The following SRRM4 variants were observed in gnomAD, a reference collection of about 807,000 sequenced individuals.
SRRM4 encodes serine/arginine repetitive matrix 4.
A neutral mutation model predicts 68.9 loss-of-function variants in SRRM4; 33 were observed. The ratio of observed to expected loss-of-function variants is 0.48; its 90% confidence interval spans 0.36 to 0.64. The LOEUF is 0.64. SRRM4 is among the 30% of genes least tolerant of loss of function. The pLI is 0.00. For missense variants in SRRM4, 817 were observed against 827.1 expected (o/e 0.99, Z 0.15); for synonymous variants, 318 against 318.8 (o/e 1.00, Z 0.03).
At chr12:119,070,818 C>A (rs1953873566) in intron 1 of SRRM4, among the ~76,000 whole-genome samples, 1 of 152,194 alleles carries the variant, frequency 6.6e-6, no homozygotes, top group Non-Finnish European at 1.5e-5. Context: ...TTCCCTGACA[C>A]CTGGAATGAA....
intron 1 of SRRM4, among the ~76,000 whole-genome samples, chr12:119,085,296 C>A (rs1192297097): frequency 6.6e-6 from 1 of 152,230 alleles, no homozygotes; most frequent in Non-Finnish European, 1.5e-5. Context: ...CTTGCAATAA[C>A]CCTGTGAGGT....
intron 1 of SRRM4, among the ~76,000 whole-genome samples, chr12:119,084,592 C>G (rs1430867584): frequency 6.6e-6 from 1 of 152,180 alleles, no homozygotes; most frequent in Admixed American, 6.5e-5. Flanking sequence ...TGGGCTATTT[C>G]TCTAGTTGGT....
At chr12:119,090,970 A>G (rs1222082440) in intron 1 of SRRM4, among the ~76,000 whole-genome samples, 2 of 152,162 alleles carry the variant, frequency 1.3e-5, no homozygotes, top group African/African-American at 4.8e-5. Flanking sequence ...TTGCTGTGTT[A>G]TTTTAAAACT....
chr12:119,048,420 C>G (rs1953721084), intron 1 of SRRM4, among the ~76,000 whole-genome samples: 1 of 152,174 alleles, frequency 6.6e-6, no homozygotes, highest in Non-Finnish European at 1.5e-5. Flanking sequence ...AGATAACACA[C>G]TAAGAATAAA....
At chr12:118,988,456 T>A (rs1401726092) in intron 1 of SRRM4, among the ~76,000 whole-genome samples, 2 of 152,218 alleles carry the variant, frequency 1.3e-5, no homozygotes, top group Non-Finnish European at 2.9e-5. Flanking sequence ...GGATGCAGTC[T>A]CTGGCGTGGG....
chr12:119,156,706 C>T lies in SRRM4; in HGVS notation c.1744C>T (p.Arg582Trp), dbSNP rs1166411434. ...CAGCCCTAGTCCGGGCTCCCGCAGC[C>T]GGAGCCGGAGCAGGAGCCGGAGCCG... ...SRSPSPGSRS[R>W]SRSRSRSRSR... is the part of the protein sequence containing the mutation. Residue 582 changes from arginine to tryptophan, a missense_variant, in exon 13 of 13, where the codon CGG (arginine) becomes TGG (tryptophan). Transcript: ENST00000267260. 5.2e-6 allele frequency: 8 copies of T among 1,547,684 alleles called. No homozygotes were observed. In the East Asian group the frequency reaches 1.5e-4, roughly 28 times the overall value.
chr12:118,986,689 T>A (rs933641605), intron 1 of SRRM4, among the ~76,000 whole-genome samples: 1 of 152,128 alleles, frequency 6.6e-6, no homozygotes, highest in African/African-American at 2.4e-5. Context: ...AGTAGACATG[T>A]TAGCCAGTAT....
chr12:119,117,945 T>C (rs763272415), intron 4 of SRRM4, among the ~76,000 whole-genome samples: 3 of 151,404 alleles, frequency 2.0e-5, no homozygotes, highest in African/African-American at 7.3e-5. Context: ...ACAAAGGATA[T>C]ACAACAGAGG....
At chr12:119,027,710 G>C (rs552565200) in intron 1 of SRRM4, among the ~76,000 whole-genome samples, 62 of 152,146 alleles carry the variant, frequency 4.1e-4, no homozygotes, top group African/African-American at 1.4e-3. Flanking sequence ...TGTCTTATTA[G>C]GCTTTACTCC....
intron 7 of SRRM4, 97 bp from the exon 8 acceptor site, chr12:119,130,581 A>G: frequency 7.9e-7 from 1 of 1,262,222 alleles, no homozygotes; most frequent in African/African-American, 1.5e-5. Context: ...ACACCCCCAA[A>G]CACACTTTAT....
intron 1 of SRRM4, among the ~76,000 whole-genome samples, chr12:119,055,946 A>C (rs139136159): frequency 7.2e-5 from 11 of 152,348 alleles, no homozygotes; most frequent in African/African-American, 2.6e-4. Flanking sequence ...ACTGCCTAAC[A>C]ATAGAACGAA....
At chr12:119,014,287 T>C (rs1953468049) in intron 1 of SRRM4, among the ~76,000 whole-genome samples, 1 of 152,180 alleles carries the variant, frequency 6.6e-6, no homozygotes, top group Non-Finnish European at 1.5e-5. Context: ...TTCTGTTTGT[T>C]TCCGATGAGT....
At chr12:119,139,666 C>A (rs867578166) in intron 8 of SRRM4, among the ~76,000 whole-genome samples, 5 of 152,140 alleles carry the variant, frequency 3.3e-5, no homozygotes, top group Admixed American at 6.5e-5. Context: ...CCGCTAGGGA[C>A]ATGATGTCAT....
In SRRM4 at chr12:119,034,366, G is replaced by T. The variant is rs77728477; in HGVS notation, c.131+52353G>T. On this transcript the variant is annotated intron_variant, in intron 1 of 12. Transcript: ENST00000267260. ...CTGTCTGCTGGAAGGACTCTCAGTG[G>T]CTGGGAGGATCCACTCTTCCTTGTT... is the stretch of plus-strand genomic sequence containing the variant. Among the ~76,000 whole-genome samples, 3 of 152,328 alleles carry T rather than the reference G, an allele frequency of 2.0e-5. No individual in the cohort carries two copies. The East Asian group carries it at 5.8e-4, about 29-fold the overall frequency.
chr12:119,075,688 G>GATAGTAGTAATGGTA (rs1953906670), intron 1 of SRRM4, among the ~76,000 whole-genome samples: 1 of 151,170 alleles, frequency 6.6e-6, no homozygotes, highest in Admixed American at 6.7e-5. Context: ...TGATGATGGT[G>GATAGTAGTAATGGTA]ATGATGAAGA....
intron 7 of SRRM4, among the ~76,000 whole-genome samples, chr12:119,129,681 C>G (rs925171868): frequency 6.6e-6 from 1 of 152,218 alleles, no homozygotes; most frequent in African/African-American, 2.4e-5. Flanking sequence ...GCTGCATCCT[C>G]AGACCCTAAA....
chr12:119,153,720 C>G, intron 11 of SRRM4, 71 bp downstream of exon 11: 1 of 1,131,570 alleles, frequency 8.8e-7, no homozygotes, highest in Non-Finnish European at 1.3e-6. Context: ...CCTCTCTGGC[C>G]CCGCCTCCCC....
intron 11 of SRRM4, 104 bp downstream of exon 11, chr12:119,153,753 A>C: frequency 1.2e-6 from 1 of 807,376 alleles, no homozygotes; most frequent in Non-Finnish European, 2.0e-6. Context: ...TCTTCCTCTT[A>C]GGTCTGACCC....
chr12:119,059,713 G>A (rs1953798933), intron 1 of SRRM4, among the ~76,000 whole-genome samples: 1 of 152,166 alleles, frequency 6.6e-6, no homozygotes, highest in Non-Finnish European at 1.5e-5. Flanking sequence ...AAGGTTTTAG[G>A]CAGTTGCATC....
Sources: allele counts gnomAD v4.1 joint callset (sites outside exome capture counted in the v4.1 genomes callset), GRCh38; gene constraint gnomAD v4.1.1; transcripts MANE v1.5; gene names NCBI Gene and HGNC (gene_info 2026-07-23, HGNC 2026-07-21).